CEP170: variants seen among roughly 807,000 people sequenced by gnomAD.
CEP170 encodes the protein centrosomal protein 170, also known as centrosomal protein of 170 kDa.
In CEP170, 21 loss-of-function variants were observed where a neutral mutation model predicts 151.9. The ratio of observed to expected loss-of-function variants is 0.14; its 90% confidence interval spans 0.10 to 0.20. The LOEUF (loss-of-function observed/expected upper bound fraction) is 0.20, where lower values mean the gene tolerates loss of function less well. Ranked by LOEUF, CEP170 falls within the 10% of genes least tolerant of loss-of-function variation. The pLI, the probability that CEP170 is intolerant of heterozygous loss-of-function variation, is 1.00. For missense variants in CEP170, 964 were observed against 1,892.9 expected (o/e 0.51, Z 9.11); for synonymous variants, 356 against 648.8 (o/e 0.55, Z 6.86).
intron 14 of CEP170, among the ~76,000 whole-genome samples, chr1:243,144,664 AAATT>A (rs2056253147): frequency 6.6e-6 from 1 of 152,222 alleles, no homozygotes; most frequent in African/African-American, 2.4e-5. Flanking sequence ...AAAACAGTAT[AAATT>A]AATTAGAAAA....
At chr1:243,215,112 T>A (rs938997244) in intron 3 of CEP170, among the ~76,000 whole-genome samples, 2 of 152,246 alleles carry the variant, frequency 1.3e-5, no homozygotes, top group African/African-American at 4.8e-5. Context: ...CATGGACATT[T>A]TATCACTTCC....
chr1:243,231,386 T>G (rs939058180), intron 1 of CEP170, among the ~76,000 whole-genome samples: 3 of 152,098 alleles, frequency 2.0e-5, no homozygotes, highest in Non-Finnish European at 4.4e-5. Flanking sequence ...TTAAAACCAC[T>G]GATAAAGGTA....
chr1:243,219,023 A>G (rs1022166103), intron 3 of CEP170, among the ~76,000 whole-genome samples: 3 of 152,232 alleles, frequency 2.0e-5, no homozygotes, highest in African/African-American at 7.2e-5. Flanking sequence ...AATAGTCTAC[A>G]AGTTCTCTTA....
chr1:243,188,689 C>T (rs575040555), intron 8 of CEP170, among the ~76,000 whole-genome samples: 2 of 152,302 alleles, frequency 1.3e-5, no homozygotes, highest in South Asian at 2.1e-4. Context: ...TCCAAACTGT[C>T]GCAAAGCACC....
chr1:243,164,426 C>A lies in CEP170; in HGVS notation c.3534G>T (p.Ser1178=). 1.3e-6 allele frequency: 2 copies of A among 1,571,736 alleles called. No individual in the cohort carries two copies. The highest frequency in any genetic ancestry group is 1.7e-6 in the Non-Finnish European group (2 of 1,155,158). ...EATISRSSAS[S]RTAEAIIRSG... ...TTCTAATGATGGCTTCTGCGGTCCT[C>A]GAAGAGGCACTACTTCTAGAAATTG... The change falls in exon 13 of 20, where the codon TCG becomes TCT. Residue 1178 remains serine, a synonymous_variant. Transcript: ENST00000366542.
At chr1:243,180,513 G>A (rs1010346494) in intron 10 of CEP170, among the ~76,000 whole-genome samples, 1 of 152,212 alleles carries the variant, frequency 6.6e-6, no homozygotes, top group African/African-American at 2.4e-5. Context: ...GCTGACTGTC[G>A]TCAAAGTCTT....
intron 9 of CEP170, 44 bp from the exon 10 acceptor site, chr1:243,186,116 T>G (rs755553593): frequency 1.2e-6 from 2 of 1,613,446 alleles, no homozygotes; most frequent in Non-Finnish European, 1.7e-6. Context: ...TGTTGGAGAC[T>G]TTGCTTTCTC....
intron 1 of CEP170, among the ~76,000 whole-genome samples, chr1:243,237,730 C>T (rs1319061454): frequency 6.6e-6 from 1 of 152,004 alleles, no homozygotes; most frequent in African/African-American, 2.4e-5. Context: ...TGGTGAAACC[C>T]CCGTCTCTAC....
chr1:243,227,800 T>C (rs752477403), intron 1 of CEP170, among the ~76,000 whole-genome samples: 41 of 152,226 alleles, frequency 2.7e-4, no homozygotes, highest in Non-Finnish European at 5.0e-4. Context: ...TTTGACCCTG[T>C]GGACCCTTGT....
At chr1:243,194,859 T>C (rs1323713815) in intron 7 of CEP170, among the ~76,000 whole-genome samples, 1 of 151,970 alleles carries the variant, frequency 6.6e-6, no homozygotes, top group Non-Finnish European at 1.5e-5. Context: ...TAAAAAATTA[T>C]TTAATGATTG....
chr1:243,179,911 A>C (rs554621915), intron 10 of CEP170, among the ~76,000 whole-genome samples: 75 of 152,334 alleles, frequency 4.9e-4, no homozygotes, highest in African/African-American at 1.8e-3. Flanking sequence ...AGATATAAGA[A>C]GTGAATGACG....
chr1:243,246,487 C>T (rs1436972010), intron 1 of CEP170, among the ~76,000 whole-genome samples: 1 of 152,132 alleles, frequency 6.6e-6, no homozygotes, highest in Non-Finnish European at 1.5e-5. Flanking sequence ...TGGCTTCGGC[C>T]TCCCAAAGTG....
intron 17 of CEP170, among the ~76,000 whole-genome samples, chr1:243,133,665 G>A (rs1203523606): frequency 1.3e-5 from 2 of 152,100 alleles, no homozygotes; most frequent in African/African-American, 4.8e-5. Context: ...CCCAGGGAAT[G>A]GTGGACTTCA....
intron 7 of CEP170, among the ~76,000 whole-genome samples, chr1:243,191,913 A>C (rs1558548685): frequency 6.6e-6 from 1 of 152,184 alleles, no homozygotes; most frequent in Non-Finnish European, 1.5e-5. Flanking sequence ...CCAAGATGAG[A>C]TATCTGAAAT....
At chr1:243,251,043 G>C (rs1382041583) in intron 1 of CEP170, among the ~76,000 whole-genome samples, 3 of 152,174 alleles carry the variant, frequency 2.0e-5, no homozygotes, top group Non-Finnish European at 4.4e-5. Context: ...TTAGACAAGA[G>C]AAAATCTAGC....
At chr1:243,246,832 C>T (rs546140874) in intron 1 of CEP170, among the ~76,000 whole-genome samples, 19 of 152,160 alleles carry the variant, frequency 1.2e-4, no homozygotes, top group African/African-American at 4.6e-4. Flanking sequence ...GCATTATATG[C>T]ATTTTTTATC....
rs149327485 is a variant in CEP170 at position 243,248,909 on chromosome 1, T to C, written c.-42+6131A>G. The stretch of plus-strand genomic sequence containing the variant: ...GTGTTCTCCAAATTCACTTATCCCA[T>C]TCCTGCCTCAGAACCACCGCACCTG... On this transcript the variant is annotated intron_variant, in intron 1 of 19. Transcript: ENST00000366542. Among the ~76,000 whole-genome samples the C allele has an allele frequency of 2.5e-3, 384 of 152,244 alleles. 2 individuals carry two copies. The highest frequency in any genetic ancestry group is 8.5e-3 in the African/African-American group (352 of 41,538).
chr1:243,221,016 C>CTTTCT (rs997045657), intron 3 of CEP170, among the ~76,000 whole-genome samples: 15 of 151,448 alleles, frequency 9.9e-5, no homozygotes, highest in Admixed American at 7.8e-4. Flanking sequence ...ACCTTTCCAT[C>CTTTCT]TTTCTTTTCT....
chr1:243,245,722 AAAAC>A (rs1402133405), intron 1 of CEP170, among the ~76,000 whole-genome samples: 3 of 151,950 alleles, frequency 2.0e-5, no homozygotes, highest in Admixed American at 6.6e-5. Context: ...TCAAGAAAAC[AAAAC>A]AAACAAACAA....
Sources: gnomAD v4.1 joint callset for allele counts (sites outside exome capture counted in the v4.1 genomes callset) on GRCh38, gnomAD v4.1.1 for gene constraint, MANE v1.5 for transcripts, NCBI Gene and HGNC (gene_info 2026-07-23, HGNC 2026-07-21) for gene names.